The following PPARGC1B variants were observed in gnomAD, a reference collection of about 807,000 sequenced individuals.
PPARGC1B encodes the protein PPARG coactivator 1 beta, also known as peroxisome proliferator-activated receptor gamma coactivator 1-beta.
PPARGC1B carries 34 observed loss-of-function variants against 101.6 expected under a neutral mutation model. The observed-to-expected ratio is 0.33, with a 90% CI of 0.25 to 0.45. The LOEUF (loss-of-function observed/expected upper bound fraction) is 0.45, where lower values mean the gene tolerates loss of function less well. Among genes scored for constraint, PPARGC1B ranks in the 20% least tolerant of loss-of-function variants. The pLI is 1.00. For missense variants in PPARGC1B, 1,234 were observed against 1,317.6 expected (o/e 0.94, Z 0.98); for synonymous variants, 548 against 539.3 (o/e 1.02, Z -0.22).
rs56842530 is a variant in PPARGC1B, at chr5:149,851,958, A to C, written c.*4400A>C. 0.025 allele frequency: 3,756 copies of C among 152,378 alleles called. 63 individuals carry two copies. Among genetic ancestry groups the C allele is most frequent in the African/African-American group, 0.037 (1,556 of 41,574 alleles). The allele number at this position is 152,378 out of a possible 1,614,324, so 9.4% of individuals were successfully genotyped here. A position where few individuals can be genotyped will look rare whatever the true frequency, so the allele number is the denominator to read the frequency against. On this transcript the variant is annotated 3_prime_UTR_variant, in exon 12 of 12. Coordinates refer to ENST00000309241, the MANE Select transcript of PPARGC1B (RefSeq NM_133263.4). ...CCGTGTTTCTACACTGGAAAATACG[A>C]GTCTCCTTTGGCTGTGTGAAGTGAT...
chr5:149,759,472 G>A lies in PPARGC1B; in HGVS notation c.78+29052G>A, dbSNP rs200113017. On this transcript the variant is annotated intron_variant, in intron 1 of 11. Transcript: ENST00000309241. The stretch of plus-strand genomic sequence containing the variant: ...GAAAGCTGTAGCAACAGTGGCCACC[G>A]TGGAGCAGGAGGGGCAGGAGAGGTA... 3.0e-4 allele frequency among the ~76,000 whole-genome samples: 46 copies of A among 152,296 alleles called. No homozygotes were observed. The East Asian group carries it at 7.1e-3, about 24-fold the overall frequency.
chr5:149,757,761 G>C (rs1169431440), intron 1 of PPARGC1B, among the ~76,000 whole-genome samples: 2 of 152,326 alleles, frequency 1.3e-5, no homozygotes, highest in African/African-American at 2.4e-5. Flanking sequence ...AATTGGAAAG[G>C]CGGGGCCCCT....
intron 1 of PPARGC1B, among the ~76,000 whole-genome samples, chr5:149,767,770 TCCAACTTTTTTGGCA>T (rs1440711833): frequency 6.6e-6 from 1 of 151,730 alleles, no homozygotes; most frequent in African/African-American, 2.4e-5. Flanking sequence ...ACCAGCGGTC[TCCAACTTTTTTGGCA>T]CCAGGGACTG....
intron 1 of PPARGC1B, among the ~76,000 whole-genome samples, chr5:149,781,130 G>A (rs537554348): frequency 1.3e-3 from 192 of 152,150 alleles, no homozygotes; most frequent in African/African-American, 4.2e-3. Flanking sequence ...ACTTGAACCC[G>A]GGAGGTGGAG....
rs548969924 is a variant in PPARGC1B, at chr5:149,754,695, A to G, written c.78+24275A>G. Among the ~76,000 whole-genome samples, 116 of 151,578 alleles carry G rather than the reference A, an allele frequency of 7.7e-4. 1 individual carries two copies. In the South Asian group the frequency reaches 0.014, roughly 19 times the overall value. ...GTCAGGTGTCAGAGGCTGGGCTGAC[A>G]GGTAACCAGGTCCTGATTTGTCTTG... On this transcript the variant is annotated intron_variant, in intron 1 of 11. Coordinates refer to ENST00000309241, the MANE Select transcript of PPARGC1B (RefSeq NM_133263.4).
intron 1 of PPARGC1B, among the ~76,000 whole-genome samples, chr5:149,735,367 C>T (rs1225759248): frequency 2.0e-5 from 3 of 152,140 alleles, no homozygotes; most frequent in Admixed American, 6.5e-5. Flanking sequence ...CACTATGCCA[C>T]GTGAGTCACC....
intron 1 of PPARGC1B, among the ~76,000 whole-genome samples, chr5:149,779,961 T>C (rs1195330125): frequency 6.6e-6 from 1 of 152,162 alleles, no homozygotes; most frequent in African/African-American, 2.4e-5. Context: ...CTGGTGTCAT[T>C]TTCATTTCCT....
intron 8 of PPARGC1B, among the ~76,000 whole-genome samples, chr5:149,839,477 T>G (rs539602017): frequency 6.6e-6 from 1 of 152,204 alleles, no homozygotes; most frequent in African/African-American, 2.4e-5. Context: ...GCTATGGGAC[T>G]AATGAGCCTG....
intron 1 of PPARGC1B, among the ~76,000 whole-genome samples, chr5:149,802,047 GCCCCGT>G (rs1375385452): frequency 6.6e-6 from 1 of 152,112 alleles, no homozygotes; most frequent in East Asian, 1.9e-4. Context: ...GCTCAGCACC[GCCCCGT>G]CCCTGACCCC....
At chr5:149,747,374 G>A (rs1282228740) in intron 1 of PPARGC1B, among the ~76,000 whole-genome samples, 3 of 152,166 alleles carry the variant, frequency 2.0e-5, no homozygotes, top group Admixed American at 1.3e-4. Flanking sequence ...ACAGGCTGCC[G>A]AGCTCACCTA....
Position 149,830,047 on chromosome 5 carries a change from AAAAAAAAG to A in PPARGC1B, c.466-712_466-705del, listed in dbSNP as rs1561602154. Reference sequence around the variant, plus strand: ...CTGCATCTCAAAAAAAAAAAAAAAAAAAAAAAAGAAAAAAAAAAAAAAACAGGGTGGGT... The same window carrying A: ...CTGCATCTCAAAAAAAAAAAAAAAAAAAAAAAAAAAAAAAACAGGGTGGGT... On this transcript the variant is annotated intron_variant, in intron 3 of 11. Coordinates refer to ENST00000309241, the MANE Select transcript of PPARGC1B (RefSeq NM_133263.4). 3.2e-4 allele frequency among the ~76,000 whole-genome samples: 38 copies of A among 120,586 alleles called. 1 individual carries two copies. Among genetic ancestry groups the A allele is most frequent in the African/African-American group, 1.2e-3 (34 of 28,364 alleles). The allele number at this position is 120,586 out of a possible 152,430, so 79.1% of individuals were successfully genotyped here. A position where few individuals can be genotyped will look rare whatever the true frequency, so the allele number is the denominator to read the frequency against.
chr5:149,840,500 AGGT>A (rs1369467955), intron 9 of PPARGC1B, among the ~76,000 whole-genome samples: 1 of 152,158 alleles, frequency 6.6e-6, no homozygotes, highest in Non-Finnish European at 1.5e-5. Flanking sequence ...GACCGTGGGC[AGGT>A]CCCCCAGCTA....
rs568098888 is a variant in PPARGC1B, at chr5:149,820,504, C to T, written c.150C>T (p.Ser50=). The T allele has an allele frequency of 5.7e-5, 92 of 1,614,066 alleles. 1 individual carries two copies. In the Middle Eastern group the frequency reaches 6.6e-4, roughly 12 times the overall value. ...PELDLSQLDA[S]DFDSATCFGE... ...TTGACCTCTCCCAGCTGGATGCCAG[C>T]GACTTTGACTCGGCCACCTGCTTTG... The change falls in exon 2 of 12, where the codon AGC becomes AGT. Residue 50 remains serine (S), a synonymous_variant. Transcript: ENST00000309241.
At chr5:149,808,535 T>C (rs1291152917) in intron 1 of PPARGC1B, among the ~76,000 whole-genome samples, 1 of 152,152 alleles carries the variant, frequency 6.6e-6, no homozygotes, top group Admixed American at 6.5e-5. Flanking sequence ...TTCTTGACCT[T>C]GTAGAGGGGC....
chr5:149,745,476 C>A (rs1293272700), intron 1 of PPARGC1B, among the ~76,000 whole-genome samples: 1 of 152,300 alleles, frequency 6.6e-6, no homozygotes, highest in East Asian at 1.9e-4. Flanking sequence ...TCTGATGACA[C>A]CCCTGCTTTG....
intron 1 of PPARGC1B, among the ~76,000 whole-genome samples, chr5:149,758,961 A>G (rs1755627386): frequency 6.6e-6 from 1 of 152,180 alleles, no homozygotes; most frequent in African/African-American, 2.4e-5. Flanking sequence ...TTAGAATTTT[A>G]TTACAAAAGA....
At chr5:149,821,136 T>C (rs1183402645) in intron 2 of PPARGC1B, among the ~76,000 whole-genome samples, 1 of 152,238 alleles carries the variant, frequency 6.6e-6, no homozygotes, top group Non-Finnish European at 1.5e-5. Context: ...ATTGAGCAGC[T>C]GTTCTGTGGG....
intron 1 of PPARGC1B, among the ~76,000 whole-genome samples, chr5:149,788,209 G>A (rs1756880410): frequency 6.6e-6 from 1 of 152,126 alleles, no homozygotes; most frequent in Non-Finnish European, 1.5e-5. Context: ...CATCTACAAA[G>A]AACTTAAATA....
chr5:149,811,436 G>A (rs750366341), intron 1 of PPARGC1B, among the ~76,000 whole-genome samples: 5 of 152,092 alleles, frequency 3.3e-5, no homozygotes, highest in Non-Finnish European at 5.9e-5. Flanking sequence ...TTGAAATCTC[G>A]TCTTTTGTAC....
Sources: allele counts gnomAD v4.1 joint callset (sites outside exome capture counted in the v4.1 genomes callset), GRCh38; gene constraint gnomAD v4.1.1; transcripts MANE v1.5; gene names NCBI Gene and HGNC (gene_info 2026-07-23, HGNC 2026-07-21).